USP34: variants seen among roughly 807,000 people sequenced by gnomAD.
The protein encoded by USP34 is ubiquitin specific peptidase 34.
Under a neutral mutation model 460.3 loss-of-function variants are expected in USP34, and 70 were observed. The observed-to-expected ratio is 0.15, with a 90% CI of 0.13 to 0.19. The LOEUF is 0.19. Ranked by LOEUF, USP34 falls within the 10% of genes least tolerant of loss-of-function variation. The probability of loss-of-function intolerance (pLI) is 1.00; values close to 1 mark genes in which losing one functional copy is unlikely to be tolerated. For missense variants in USP34, 3,985 were observed against 4,236.2 expected, an observed-to-expected ratio of 0.94 and a Z score of 1.65; for synonymous variants, 1,647 against 1,405.3, an observed-to-expected ratio of 1.17 and a Z score of -3.85.
At position 61,394,984 on chromosome 2, in the gene USP34, G is replaced by A; in HGVS notation, c.622C>T (p.His208Tyr). The A allele has an allele frequency of 4.4e-6, 7 of 1,594,846 alleles. No individual in the cohort carries two copies. In the South Asian group the frequency reaches 4.6e-5, roughly 11 times the overall value. Residue 208 changes from histidine (H) to tyrosine (Y), a missense_variant, in exon 5 of 80, where the codon CAT becomes TAT. His to Tyr is a moderately conservative substitution (Grantham distance 83, BLOSUM62 2). Transcript: ENST00000398571. The stretch of plus-strand genomic sequence containing the variant: ...AACAAACATACATAACGAAGCAAAT[G>A]CAATGGTACTTCTACATCCTGGGAA... ...CDMNDVEVPL[H>Y]LLRYVCLFCG...
At position 61,326,625 on chromosome 2, in the gene USP34, C is replaced by T. The variant is rs143412179; in HGVS notation, c.2931-1168G>A. 2.8e-3 allele frequency among the ~76,000 whole-genome samples: 423 copies of T among 152,102 alleles called. 1 individual carries two copies. The highest frequency in any genetic ancestry group is 9.5e-3 in the African/African-American group (394 of 41,480). ...ACATTCTAGTTCAAGTACTTGAGCACTCAATGAAACTAAGTCAATAATAAG... is the reference window on the plus strand; with the variant it reads ...ACATTCTAGTTCAAGTACTTGAGCATTCAATGAAACTAAGTCAATAATAAG... On this transcript the variant is annotated intron_variant, in intron 20 of 79. Transcript: ENST00000398571.
At chr2:61,258,088 T>C (rs756292164) in intron 44 of USP34, among the ~76,000 whole-genome samples, 1 of 152,166 alleles carries the variant, frequency 6.6e-6, no homozygotes, top group African/African-American at 2.4e-5. Context: ...GTATGATAGC[T>C]CATGCCTGTG....
chr2:61,319,539 A>T lies in USP34; in HGVS notation c.3014-212T>A, dbSNP rs1403765905. Among the ~76,000 whole-genome samples, 1 of 30,514 alleles carries T rather than the reference A, an allele frequency of 3.3e-5. No homozygotes were observed. Among genetic ancestry groups the T allele is most frequent in the Non-Finnish European group, 7.0e-5 (1 of 14,200 alleles). 20.0% of individuals were successfully genotyped at this position (30,514 alleles called of 152,430 possible). A position where few individuals can be genotyped will look rare whatever the true frequency, so the allele number is the denominator to read the frequency against. ...ATGTTCCTACAGCATATTTATGATT[A>T]AAAAAAAAAAAAAGAATCACAGCAG... is the stretch of plus-strand genomic sequence containing the variant. On this transcript the variant is annotated intron_variant, in intron 21 of 79. Transcript: ENST00000398571.
chr2:61,348,448 G>A lies in USP34; in HGVS notation c.1707C>T (p.Ala569=). 1.2e-6 allele frequency: 2 copies of A among 1,612,918 alleles called. No homozygotes were observed. Among genetic ancestry groups the A allele is most frequent in the Non-Finnish European group, 1.7e-6 (2 of 1,179,710 alleles). ...ESMQGSSDET[A]NSGEDGSSGP... is the part of the protein sequence containing the mutation. ...CACTGCTTCCATCTTCACCACTGTT[G>A]GCAGTTTCGTCAGAACTTCCCTGCA... Residue 569 remains alanine (A), a synonymous_variant, in exon 15 of 80, where the codon GCC becomes GCT. Transcript: ENST00000398571.
At chr2:61,390,084 G>T (rs894772965) in intron 5 of USP34, among the ~76,000 whole-genome samples, 2 of 152,148 alleles carry the variant, frequency 1.3e-5, no homozygotes, top group African/African-American at 4.8e-5. Context: ...TGAACATTCA[G>T]AAATTGCTAT....
At chr2:61,385,455 A>AG (rs1381172284) in intron 5 of USP34, among the ~76,000 whole-genome samples, 2 of 151,480 alleles carry the variant, frequency 1.3e-5, no homozygotes, top group Non-Finnish European at 2.9e-5. Context: ...GCGGATCACG[A>AG]GGTCAGGAGA....
intron 3 of USP34, among the ~76,000 whole-genome samples, chr2:61,396,135 A>G (rs1693517020): frequency 6.6e-6 from 1 of 151,918 alleles, no homozygotes; most frequent in Non-Finnish European, 1.5e-5. Context: ...TTTTGTTTTG[A>G]AAAGTTTCTC....
intron 67 of USP34, among the ~76,000 whole-genome samples, chr2:61,215,894 G>A (rs1009504316): frequency 2.0e-5 from 3 of 152,116 alleles, no homozygotes; most frequent in African/African-American, 7.2e-5. Flanking sequence ...GGCCAGAGCT[G>A]GGATTCAAAT....
intron 44 of USP34, among the ~76,000 whole-genome samples, chr2:61,258,911 G>T (rs894311664): frequency 6.6e-6 from 1 of 152,152 alleles, no homozygotes; most frequent in Non-Finnish European, 1.5e-5. Context: ...CAAATTAACA[G>T]AATGTAGACA....
chr2:61,192,038 T>C (rs1030579156), intron 76 of USP34, among the ~76,000 whole-genome samples: 1 of 152,132 alleles, frequency 6.6e-6, no homozygotes, highest in African/African-American at 2.4e-5. Flanking sequence ...TTTGGAAAAG[T>C]AGAGAAACCA....
At chr2:61,390,582 TCTC>T (rs1364130591) in intron 5 of USP34, among the ~76,000 whole-genome samples, 1 of 152,178 alleles carries the variant, frequency 6.6e-6, no homozygotes, top group African/African-American at 2.4e-5. Flanking sequence ...AACTGAGAAA[TCTC>T]CTAAAACTCA....
At chr2:61,318,312 A>G (rs1690813821) in intron 22 of USP34, among the ~76,000 whole-genome samples, 1 of 152,234 alleles carries the variant, frequency 6.6e-6, no homozygotes, top group Non-Finnish European at 1.5e-5. Context: ...AAATCAGAGG[A>G]CATAAATAAA....
chr2:61,440,556 C>T (rs1180115141), intron 1 of USP34, among the ~76,000 whole-genome samples: 1 of 148,542 alleles, frequency 6.7e-6, no homozygotes, highest in African/African-American at 2.5e-5. Flanking sequence ...TTGCTCTTCT[C>T]GTCCAGGCTG....
chr2:61,468,007 G>A (rs1695831848), intron 1 of USP34, among the ~76,000 whole-genome samples: 1 of 151,964 alleles, frequency 6.6e-6, no homozygotes. Context: ...AGACTTTATA[G>A]GTAATTACTG....
chr2:61,237,239 G>A (rs1272830053), intron 53 of USP34, among the ~76,000 whole-genome samples: 1 of 152,080 alleles, frequency 6.6e-6, no homozygotes, highest in African/African-American at 2.4e-5. Context: ...ATCAGACTCT[G>A]TATCAGGCAG....
intron 2 of USP34, among the ~76,000 whole-genome samples, chr2:61,410,541 C>A (rs762171952): frequency 3.3e-5 from 5 of 152,152 alleles, no homozygotes; most frequent in East Asian, 1.9e-4. Flanking sequence ...CCTTGCTGTA[C>A]ATTGCATCCA....
At chr2:61,201,936 C>T (rs73932692) in intron 75 of USP34, among the ~76,000 whole-genome samples, 5,120 of 152,222 alleles carry the variant, frequency 0.034, 303 homozygotes, top group African/African-American at 0.12. Flanking sequence ...TGGGTTTTGG[C>T]CTTTTACCAA....
At chr2:61,388,687 C>T (rs528079093) in intron 5 of USP34, among the ~76,000 whole-genome samples, 2 of 151,404 alleles carry the variant, frequency 1.3e-5, no homozygotes, top group East Asian at 3.9e-4. Context: ...ACCCGCGAGG[C>T]AGAGCTTGCA....
intron 34 of USP34, among the ~76,000 whole-genome samples, chr2:61,287,730 T>C (rs906356980): frequency 6.6e-6 from 1 of 152,238 alleles, no homozygotes; most frequent in African/African-American, 2.4e-5. Context: ...ATACAAAATA[T>C]GCATTCACCA....
Sources: allele counts gnomAD v4.1 joint callset (sites outside exome capture counted in the v4.1 genomes callset), GRCh38; gene constraint gnomAD v4.1.1; transcripts MANE v1.5; gene names NCBI Gene and HGNC (gene_info 2026-07-23, HGNC 2026-07-21).